The following ZBTB16 variants were observed in gnomAD, a reference collection of about 807,000 sequenced individuals.
ZBTB16 encodes the protein zinc finger and BTB domain containing 16.
In ZBTB16, 8 loss-of-function variants were observed where a neutral mutation model predicts 56.8. That is an observed-to-expected ratio of 0.14 (90% CI 0.08 to 0.25). The LOEUF (loss-of-function observed/expected upper bound fraction) is 0.25. ZBTB16 is among the 10% of genes least tolerant of loss of function. The pLI, the probability that ZBTB16 is intolerant of heterozygous loss-of-function variation, is 1.00. For missense variants in ZBTB16, 625 were observed against 903.0 expected (o/e 0.69, Z 3.95); for synonymous variants, 363 against 368.5 (o/e 0.98, Z 0.17).
chr11:114,196,919 T>C (rs1196835937), intron 4 of ZBTB16, among the ~76,000 whole-genome samples: 1 of 152,144 alleles, frequency 6.6e-6, no homozygotes, highest in Non-Finnish European at 1.5e-5. Flanking sequence ...AAGACCAATC[T>C]GGGGCAGGAC....
intron 3 of ZBTB16, among the ~76,000 whole-genome samples, chr11:114,162,214 C>G (rs1420282510): frequency 6.6e-6 from 1 of 152,244 alleles, no homozygotes; most frequent in Admixed American, 6.5e-5. Flanking sequence ...ATCTCTTAGG[C>G]TTTCCTCTGT....
At chr11:114,196,790 A>G (rs1306917932) in intron 4 of ZBTB16, among the ~76,000 whole-genome samples, 1 of 128,052 alleles carries the variant, frequency 7.8e-6, no homozygotes, top group Non-Finnish European at 1.7e-5. Context: ...CAATAGCTGT[A>G]CTCTTTTGGA....
intron 3 of ZBTB16, among the ~76,000 whole-genome samples, chr11:114,170,402 C>T (rs1942926670): frequency 6.6e-6 from 1 of 152,202 alleles, no homozygotes; most frequent in South Asian, 2.1e-4. Flanking sequence ...CCTGTGTATG[C>T]CTTTAGTGAA....
chr11:114,248,938 C>T (rs775541935), intron 6 of ZBTB16, among the ~76,000 whole-genome samples: 5 of 152,112 alleles, frequency 3.3e-5, no homozygotes, highest in African/African-American at 4.8e-5. Context: ...GGGGCCTGTG[C>T]GCGGGGGAGT....
intron 2 of ZBTB16, among the ~76,000 whole-genome samples, chr11:114,150,238 C>G (rs1259970772): frequency 6.6e-6 from 1 of 152,126 alleles, no homozygotes; most frequent in Non-Finnish European, 1.5e-5. Context: ...CCAGAGTATC[C>G]CTGATGCCCT....
At chr11:114,095,324 G>A (rs1233970783) in intron 2 of ZBTB16, among the ~76,000 whole-genome samples, 2 of 134,144 alleles carry the variant, frequency 1.5e-5, no homozygotes, top group Non-Finnish European at 3.0e-5. Flanking sequence ...GCAGTGGCTC[G>A]ATCTCGGCTC....
intron 2 of ZBTB16, among the ~76,000 whole-genome samples, chr11:114,138,916 C>A (rs987725460): frequency 2.0e-5 from 3 of 152,116 alleles, no homozygotes; most frequent in Non-Finnish European, 4.4e-5. Context: ...GTCTCGAACT[C>A]CTGACCTCAA....
intron 1 of ZBTB16, among the ~76,000 whole-genome samples, chr11:114,061,146 A>C (rs1938838644): frequency 2.3e-5 from 3 of 132,750 alleles, no homozygotes; most frequent in Non-Finnish European, 4.9e-5. Flanking sequence ...GTCGCTGGGA[A>C]CTGGGGGGGT....
At chr11:114,232,654 G>GCTAGGCTTGCTCTGCAGAGCTGGGCTAGC (rs1944463764) in intron 4 of ZBTB16, among the ~76,000 whole-genome samples, 1 of 152,198 alleles carries the variant, frequency 6.6e-6, no homozygotes. Context: ...GCTGGGCTAG[G>GCTAGGCTTGCTCTGCAGAGCTGGGCTAGC]TTAGGCTACT....
intron 4 of ZBTB16, among the ~76,000 whole-genome samples, chr11:114,233,606 T>C (rs112618410): frequency 2.0e-5 from 3 of 152,148 alleles, no homozygotes; most frequent in African/African-American, 7.2e-5. Context: ...ACTTCTCTCC[T>C]CCTTTTTTTT....
At chr11:114,247,048 A>T in intron 5 of ZBTB16, 150 bp from the exon 6 acceptor site, 1 of 906,266 alleles carries the variant, frequency 1.1e-6, no homozygotes, top group Non-Finnish European at 1.8e-6. Context: ...TTGTTTATTC[A>T]ATGGAGGTGT....
chr11:114,249,561 C>T (rs1406952048), intron 6 of ZBTB16, among the ~76,000 whole-genome samples: 6 of 141,234 alleles, frequency 4.2e-5, no homozygotes, highest in South Asian at 2.3e-4. Context: ...GTCAGGAGAT[C>T]GAGACCATCC....
At chr11:114,131,961 T>G (rs1016496450) in intron 2 of ZBTB16, among the ~76,000 whole-genome samples, 1 of 152,146 alleles carries the variant, frequency 6.6e-6, no homozygotes, top group Non-Finnish European at 1.5e-5. Context: ...AGTCAATGAG[T>G]TCACATACCA....
intron 2 of ZBTB16, among the ~76,000 whole-genome samples, chr11:114,145,670 G>A (rs1942079849): frequency 6.6e-6 from 1 of 152,236 alleles, no homozygotes; most frequent in Non-Finnish European, 1.5e-5. Flanking sequence ...CTGCTAATGA[G>A]TACGAGGTTT....
intron 4 of ZBTB16, among the ~76,000 whole-genome samples, chr11:114,230,347 G>T (rs1000863345): frequency 6.6e-6 from 1 of 152,266 alleles, no homozygotes; most frequent in Non-Finnish European, 1.5e-5. Context: ...CCATGAGCTC[G>T]ACCTGCCCTG....
rs1411381116 is a variant in ZBTB16, at chr11:114,143,465, G to T, written c.1269-12872G>T. 2.0e-5 allele frequency among the ~76,000 whole-genome samples: 3 copies of T among 152,194 alleles called. No homozygotes were observed. The highest frequency in any genetic ancestry group is 2.0e-4 in the Admixed American group (3 of 15,290). On this transcript the variant is annotated intron_variant, in intron 2 of 6. Coordinates refer to ENST00000335953, the MANE Select transcript of ZBTB16 (RefSeq NM_006006.6). The surrounding 1 kb of genome is among the most constrained non-coding windows in gnomAD (Gnocchi z 6.4). ...TGAGAGGGGACAGAGGGGAGCTACTGGGGAAGGCTTCTAGGGATGGTACTG... is the reference window on the plus strand; with the variant it reads ...TGAGAGGGGACAGAGGGGAGCTACTTGGGAAGGCTTCTAGGGATGGTACTG...
At chr11:114,180,343 A>C (rs1285934444) in intron 3 of ZBTB16, among the ~76,000 whole-genome samples, 2 of 152,180 alleles carry the variant, frequency 1.3e-5, no homozygotes, top group East Asian at 3.9e-4. Context: ...GGTACCTGGA[A>C]TCTCAGATAA....
chr11:114,175,998 T>TGTGC (rs1264889981), intron 3 of ZBTB16, among the ~76,000 whole-genome samples: 1 of 150,340 alleles, frequency 6.7e-6, no homozygotes, highest in Non-Finnish European at 1.5e-5. Context: ...TGTGTGTGTG[T>TGTGC]GTGCGTGCGT....
intron 2 of ZBTB16, among the ~76,000 whole-genome samples, chr11:114,080,711 G>T (rs140266603): frequency 1.3e-5 from 2 of 152,310 alleles, no homozygotes; most frequent in East Asian, 1.9e-4. Context: ...TTCAGTATCT[G>T]CTTTCTCCCT....
Sources: gnomAD v4.1 joint callset for allele counts (sites outside exome capture counted in the v4.1 genomes callset) on GRCh38, gnomAD v4.1.1 for gene constraint, Gnocchi (gnomAD v3.1) non-coding constraint, MANE v1.5 for transcripts, NCBI Gene and HGNC (gene_info 2026-07-23, HGNC 2026-07-21) for gene names.